Variants in IQSEC3 observed in about 807,000 individuals in gnomAD.
The protein encoded by IQSEC3 is IQ motif and SEC7 domain-containing protein 3.
IQSEC3 carries 50 observed loss-of-function variants against 105.4 expected under a neutral mutation model. The ratio of observed to expected loss-of-function variants is 0.47; its 90% CI spans 0.38 to 0.60. IQSEC3 has a LOEUF of 0.60. Among genes scored for constraint, IQSEC3 ranks in the 20% least tolerant of loss-of-function variants. The pLI is 0.00. For missense variants in IQSEC3, 1,415 were observed against 1,630.0 expected, an observed-to-expected ratio of 0.87 and a Z score of 2.27; for synonymous variants, 708 against 746.0, an observed-to-expected ratio of 0.95 and a Z score of 0.83.
chr12:170,243 G>A (rs1440772443), intron 12 of IQSEC3, among the ~76,000 whole-genome samples: 1 of 152,216 alleles, frequency 6.6e-6, no homozygotes, highest in East Asian at 1.9e-4. Context: ...ACGGGTTGCT[G>A]CTTTTGTTTT....
At chr12:114,862 G>A (rs1865001789) in intron 2 of IQSEC3, among the ~76,000 whole-genome samples, 2 of 152,238 alleles carry the variant, frequency 1.3e-5, no homozygotes, top group Non-Finnish European at 2.9e-5. Context: ...AGTGTGTCCT[G>A]CAGAGACAGT....
chr12:158,988 T>C (rs944099924), intron 7 of IQSEC3, among the ~76,000 whole-genome samples: 19 of 152,196 alleles, frequency 1.2e-4, no homozygotes, highest in African/African-American at 4.3e-4. Context: ...TTAAGCATGA[T>C]CTATTAATTC....
chr12:138,090 T>C lies in IQSEC3; in HGVS notation c.904-177T>C, dbSNP rs1471573071. On this transcript the variant is annotated intron_variant, in intron 3 of 13. Coordinates refer to ENST00000538872, the MANE Select transcript of IQSEC3 (RefSeq NM_001170738.2). This position sits in a 1 kb window ranked among gnomAD's most constrained non-coding sequence, Gnocchi z 7.1. Reference sequence around the variant, plus strand: ...CTCCGTCCTACACCTCTAGGAGTCTTGCCACGTGGCCAGGACGTTCTAGGC... The same window carrying C: ...CTCCGTCCTACACCTCTAGGAGTCTCGCCACGTGGCCAGGACGTTCTAGGC... 3.3e-5 allele frequency among the ~76,000 whole-genome samples: 5 copies of C among 152,092 alleles called. No homozygotes were observed. Among genetic ancestry groups the C allele is most frequent in the Admixed American group, 6.5e-5 (1 of 15,272 alleles).
chr12:127,448 G>A (rs563004565), intron 3 of IQSEC3, among the ~76,000 whole-genome samples: 40 of 152,254 alleles, frequency 2.6e-4, no homozygotes, highest in African/African-American at 6.3e-4. Flanking sequence ...TGCGGGAGGC[G>A]GAGGTTGCAG....
At chr12:117,430 C>T (rs1008845734) in intron 2 of IQSEC3, among the ~76,000 whole-genome samples, 3 of 152,228 alleles carry the variant, frequency 2.0e-5, no homozygotes, top group South Asian at 2.1e-4. Flanking sequence ...GCCAGTATGG[C>T]CCAGCCTGGG....
At chr12:91,155 C>G (rs1235329042) in intron 1 of IQSEC3, among the ~76,000 whole-genome samples, 2 of 152,168 alleles carry the variant, frequency 1.3e-5, no homozygotes, top group East Asian at 3.9e-4. Flanking sequence ...CCTGGGACTT[C>G]CGGCTTGGCC....
chr12:125,940 G>A (rs1555083331), intron 3 of IQSEC3, 28 bp downstream of exon 3: 2 of 1,524,374 alleles, frequency 1.3e-6, no homozygotes, highest in African/African-American at 2.8e-5. Flanking sequence ...GGGGGGCGGG[G>A]AGGGTGGTGA....
intron 2 of IQSEC3, 123 bp from the exon 3 acceptor site, chr12:125,510 C>T: frequency 1.0e-6 from 1 of 977,996 alleles, no homozygotes; most frequent in South Asian, 2.2e-5. Context: ...TGAAAGACAC[C>T]CCCTCCAGTC....
At chr12:99,311 T>C in intron 2 of IQSEC3, 97 bp downstream of exon 2, 1 of 1,092,622 alleles carries the variant, frequency 9.2e-7, no homozygotes. Context: ...CCTCCTCCTC[T>C]TGAGTCTCAT....
intron 1 of IQSEC3, among the ~76,000 whole-genome samples, chr12:81,465 G>A (rs1863743463): frequency 6.6e-6 from 1 of 152,180 alleles, no homozygotes; most frequent in Non-Finnish European, 1.5e-5. Context: ...TTGGACCAGG[G>A]TAGTAGCAAT....
chr12:99,780 T>C (rs1313497613), intron 2 of IQSEC3, among the ~76,000 whole-genome samples: 2 of 152,152 alleles, frequency 1.3e-5, no homozygotes, highest in African/African-American at 4.8e-5. Flanking sequence ...TCCTCTGTTT[T>C]TTCCTGGGTT....
At position 99,154 on chromosome 12, in the gene IQSEC3, C is replaced by T; in HGVS notation, c.563C>T (p.Thr188Ile). ...GVLSRRPENE[T>I]VLHQFCCPAA... ...CTCTGCTCTGCCCGCAGGAATGAGA[C>T]CGTGCTGCACCAGTTCTGCTGCCCA... The change falls in exon 2 of 14, where the codon ACC becomes ATC. Residue 188 changes from threonine to isoleucine, a missense_variant. Physicochemically the swap from Thr to Ile is moderately conservative, Grantham distance 89. Coordinates refer to ENST00000538872, the MANE Select transcript of IQSEC3 (RefSeq NM_001170738.2). 6.3e-7 allele frequency: 1 copy of T among 1,598,818 alleles called. No individual in the cohort carries two copies. Among genetic ancestry groups the T allele is most frequent in the East Asian group, 2.2e-5 (1 of 44,874 alleles).
rs932079989 is a variant in IQSEC3 at position 174,147 on chromosome 12, C to T, written c.3115-452C>T. On this transcript the variant is annotated intron_variant, in intron 13 of 13. Transcript: ENST00000538872. ...CAATGATCCTTCCTCTATAACAAGG[C>T]TGGAGGGAACAGAGGGAAAGGCTCA... Among the ~76,000 whole-genome samples, 3 of 152,156 alleles carry T rather than the reference C, an allele frequency of 2.0e-5. No homozygotes were observed. In the East Asian group the frequency reaches 5.8e-4, roughly 29 times the overall value.
At chr12:141,431 T>C (rs1005275270) in intron 5 of IQSEC3, 146 bp downstream of exon 5, 5 of 835,954 alleles carry the variant, frequency 6.0e-6, no homozygotes, top group Non-Finnish European at 9.2e-6. Context: ...GAATCCCCTC[T>C]TTAGCCCATC....
At chr12:102,168 G>A (rs1430421023) in intron 2 of IQSEC3, among the ~76,000 whole-genome samples, 12 of 87,916 alleles carry the variant, frequency 1.4e-4, no homozygotes, top group East Asian at 1.1e-3. Flanking sequence ...GCTCCTCCCC[G>A]TCAGTCTGGC....
chr12:170,989 C>T (rs530172039), intron 12 of IQSEC3, 123 bp from the exon 13 acceptor site: 118 of 1,193,828 alleles, frequency 9.9e-5, no homozygotes, highest in Middle Eastern at 2.8e-4. Context: ...TCCCAACCTC[C>T]GCCTCAGTGA....
rs566469760 is a variant in IQSEC3 at position 119,766 on chromosome 12, C to T, written c.624-5867C>T. Among the ~76,000 whole-genome samples the T allele has an allele frequency of 1.6e-4, 25 of 152,312 alleles. No homozygotes were observed. The South Asian group carries it at 5.2e-3, about 32-fold the overall frequency. On this transcript the variant is annotated intron_variant, in intron 2 of 13. Transcript: ENST00000538872. ...AGAATGGTGAGCCTTTACATCCCCACTGAAATTGGTGCCTGCGTGTGGACA... is the reference window on the plus strand; with the variant it reads ...AGAATGGTGAGCCTTTACATCCCCATTGAAATTGGTGCCTGCGTGTGGACA...
intron 2 of IQSEC3, among the ~76,000 whole-genome samples, chr12:120,478 G>T (rs1328676299): frequency 1.3e-5 from 2 of 152,172 alleles, no homozygotes; most frequent in Admixed American, 6.5e-5. Context: ...TTGGGCAGAG[G>T]GTTGGCCTTG....
At chr12:96,840 C>T (rs1400788299) in intron 1 of IQSEC3, among the ~76,000 whole-genome samples, 1 of 152,168 alleles carries the variant, frequency 6.6e-6, no homozygotes, top group Non-Finnish European at 1.5e-5. Flanking sequence ...AGAAGGAGGT[C>T]CATTCAGTCA....
Sources: allele counts gnomAD v4.1 joint callset (sites outside exome capture counted in the v4.1 genomes callset), GRCh38; gene constraint gnomAD v4.1.1; non-coding constraint Gnocchi (gnomAD v3.1); transcripts MANE v1.5; gene names NCBI Gene and HGNC (gene_info 2026-07-23, HGNC 2026-07-21).